HTT: variants seen among roughly 807,000 people sequenced by gnomAD.
HTT encodes huntingtin.
A neutral mutation model predicts 362.3 loss-of-function variants in HTT; 104 were observed. That is an observed-to-expected ratio of 0.29 (90% CI 0.24 to 0.34). HTT has a LOEUF of 0.34. Among genes scored for constraint, HTT ranks in the 10% least tolerant of loss-of-function variants. The pLI is 1.00. For missense variants in HTT, 3,301 were observed against 3,928.6 expected (o/e 0.84, Z 4.27); for synonymous variants, 1,577 against 1,548.7 (o/e 1.02, Z -0.43).
intron 27 of HTT, among the ~76,000 whole-genome samples, chr4:3,156,506 A>C (rs568027424): frequency 6.6e-6 from 1 of 152,238 alleles, no homozygotes. Flanking sequence ...AGCCTTTACA[A>C]GTGTAAAATT....
intron 2 of HTT, among the ~76,000 whole-genome samples, chr4:3,095,282 C>T (rs574270285): frequency 3.3e-5 from 5 of 152,232 alleles, no homozygotes; most frequent in African/African-American, 7.2e-5. Flanking sequence ...CCCGGCACCT[C>T]GGGAGGCCGA....
At position 3,145,217 on chromosome 4, in the gene HTT, T is replaced by G. The variant is rs1471081282; in HGVS notation, c.3132T>G (p.Gly1044=). The change falls in exon 24 of 67, where the codon GGT becomes GGG. Residue 1044 remains glycine (G), a synonymous_variant. Transcript: ENST00000355072. ...TAFPVCIWSL[G]WHCGVPPLSA... ...TCCCAGTTTGCATTTGGAGTTTAGG[T>G]TGGCACTGTGGGTATGTATTTTCCT... The G allele has an allele frequency of 5.6e-6, 9 of 1,610,542 alleles. No homozygotes were observed. Among genetic ancestry groups the G allele is most frequent in the Non-Finnish European group, 7.6e-6 (9 of 1,176,682 alleles).
chr4:3,199,955 C>G lies in HTT; in HGVS notation c.5576+16C>G, dbSNP rs758853621. The G allele has an allele frequency of 1.9e-6, 3 of 1,602,696 alleles. No homozygotes were observed. Among genetic ancestry groups the G allele is most frequent in the Non-Finnish European group, 2.6e-6 (3 of 1,173,838 alleles). On this transcript the variant is annotated intron_variant, in intron 41 of 66. Transcript: ENST00000355072. ...AGACCCCGAAGTAGGTTCATAATGC[C>G]CCACAGCCCAGGGCGCCAGCCCAGC...
intron 57 of HTT, among the ~76,000 whole-genome samples, chr4:3,226,229 G>A (rs547346556): frequency 6.6e-6 from 1 of 152,158 alleles, no homozygotes; most frequent in African/African-American, 2.4e-5. Flanking sequence ...CTGGGTGGGA[G>A]CCCCGTGTGC....
At chr4:3,129,622 G>T (rs560940740) in intron 12 of HTT, 54 of 251,168 alleles carry the variant, frequency 2.1e-4, no homozygotes, top group Non-Finnish European at 3.7e-4. Flanking sequence ...AAATTTGTTT[G>T]TGAAGACAAA....
chr4:3,225,541 C>T (rs532127156), intron 56 of HTT, 120 bp from the exon 57 acceptor site: 15 of 751,228 alleles, frequency 2.0e-5, no homozygotes, highest in South Asian at 9.0e-5. Flanking sequence ...CTGCCAGTGG[C>T]GGCGAGGGCA....
At chr4:3,224,787 G>A (rs1720832825) in intron 56 of HTT, among the ~76,000 whole-genome samples, 1 of 152,378 alleles carries the variant, frequency 6.6e-6, no homozygotes, top group African/African-American at 2.4e-5. Flanking sequence ...ATGTGGACGT[G>A]CAATGTGTTA....
intron 27 of HTT, among the ~76,000 whole-genome samples, chr4:3,155,980 G>T (rs1028302522): frequency 1.3e-5 from 2 of 151,114 alleles, no homozygotes; most frequent in African/African-American, 4.9e-5. Context: ...TCATTGTTTT[G>T]TGGTGAGAAC....
Position 3,215,095 on chromosome 4 carries a change from C to T in HTT, c.6953-15C>T. The T allele has an allele frequency of 2.5e-6, 4 of 1,588,990 alleles. No individual in the cohort carries two copies. The highest frequency in any genetic ancestry group is 3.5e-6 in the Non-Finnish European group (4 of 1,157,968). ...GTGTGTAGAAATTCTTCTCTTTGTT[C>T]TGTTGTAATTTTAGTTGCAGTGCAG... On this transcript the variant is annotated splice_polypyrimidine_tract_variant and intron_variant, in intron 50 of 66. Transcript: ENST00000355072.
In HTT at chr4:3,177,332, G is replaced by T; in HGVS notation, c.4408G>T (p.Val1470Leu). 1 of 1,595,102 alleles carries T rather than the reference G, an allele frequency of 6.3e-7. No individual in the cohort carries two copies. Among genetic ancestry groups the T allele is most frequent in the Non-Finnish European group, 8.6e-7 (1 of 1,168,540 alleles). The change falls in exon 34 of 67, where the codon GTG (valine) becomes TTG (leucine). Residue 1470 changes from valine to leucine, a missense_variant and splice_region_variant. Transcript: ENST00000355072. Reference protein sequence around the residue: ...VNYCLLDSDQVFIGFVLKQFE... With the variant: ...VNYCLLDSDQLFIGFVLKQFE... ...TGAAATTTTATTTTCCTTCCTGTAG[G>T]TGTTTATTGGCTTTGTATTGAAACA...
chr4:3,227,057 T>C (rs1233528493), intron 57 of HTT, among the ~76,000 whole-genome samples: 2 of 152,354 alleles, frequency 1.3e-5, no homozygotes, highest in East Asian at 3.9e-4. Context: ...TGGGTGCCTC[T>C]GGCCTTGTCC....
In HTT at chr4:3,214,039, C is replaced by G. The variant is rs759260622; in HGVS notation, c.6856C>G (p.Leu2286Val). 2 of 1,609,664 alleles carry G rather than the reference C, an allele frequency of 1.2e-6. No homozygotes were observed. Among genetic ancestry groups the G allele is most frequent in the African/African-American group, 1.3e-5 (1 of 74,764 alleles). ...QAGLDCCCLA[L>V]QLPGLWSVVS... ...AGGGCTGGACTGCTGCTGCCTGGCC[C>G]TGCAGCTGCCTGGCCTCTGGAGCGT... The change falls in exon 50 of 67, where the codon CTG (leucine) becomes GTG (valine). Residue 2286 changes from leucine (L) to valine (V), a missense_variant. Physicochemically the swap from Leu to Val is conservative, Grantham distance 32 (BLOSUM62 1). Coordinates refer to ENST00000355072, the MANE Select transcript of HTT (RefSeq NM_001388492.1).
At position 3,131,297 on chromosome 4, in the gene HTT, C is replaced by T. The variant is rs1341743961; in HGVS notation, c.1998C>T (p.Ile666=). The part of the protein sequence containing the change: ...PGDQENKPCR[I]KGDIGQSTDD... ...TGTCTCCTTTCTAGCCTTGCCGCAT[C>T]AAAGGTGACATTGGACAGTCCACTG... The change falls in exon 15 of 67, where the codon ATC becomes ATT. Residue 666 remains isoleucine, a synonymous_variant. Transcript: ENST00000355072. 2 of 1,612,614 alleles carry T rather than the reference C, an allele frequency of 1.2e-6. No homozygotes were observed. The highest frequency in any genetic ancestry group is 1.7e-5 in the Admixed American group (1 of 60,006).
intron 37 of HTT, among the ~76,000 whole-genome samples, chr4:3,186,221 A>G (rs1410067732): frequency 6.6e-6 from 1 of 152,202 alleles, no homozygotes; most frequent in Non-Finnish European, 1.5e-5. Context: ...AGTGCACACC[A>G]TCCCATGTAT....
intron 18 of HTT, among the ~76,000 whole-genome samples, chr4:3,133,324 TAAA>T (rs61554059): frequency 2.5e-5 from 3 of 118,738 alleles, no homozygotes; most frequent in African/African-American, 3.1e-5. Flanking sequence ...TACAGAAAAT[TAAA>T]AAAAAAAAAA....
At chr4:3,077,688 G>T (rs1171584973) in intron 1 of HTT, among the ~76,000 whole-genome samples, 1 of 152,166 alleles carries the variant, frequency 6.6e-6, no homozygotes, top group African/African-American at 2.4e-5. Context: ...AAAGTGCTGG[G>T]ATTACAGGTG....
intron 14 of HTT, 111 bp downstream of exon 14, chr4:3,130,534 T>G (rs772753596): frequency 2.3e-5 from 14 of 617,272 alleles, no homozygotes; most frequent in Non-Finnish European, 3.5e-5. Context: ...GCCTTTAAAT[T>G]TCCCCTTTAA....
chr4:3,236,188 A>T lies in HTT; in HGVS notation c.8825A>T (p.Asn2942Ile). ...AGTCCGGGTAGAACTTCAGACCCTA[A>T]TCCTGCAGCCCCCGACAGCGAGTCA... ...KVSPGRTSDP[N>I]PAAPDSESVI... The change falls in exon 64 of 67, where the codon AAT (asparagine) becomes ATT (isoleucine). Residue 2942 changes from asparagine to isoleucine, a missense_variant. Asn to Ile is a moderately radical substitution (Grantham distance 149). Around this residue, in one of 4 missense-constraint regions of HTT, gnomAD observed 753 missense variants for 1,021.3 expected, o/e 0.74. Coordinates refer to ENST00000355072, the MANE Select transcript of HTT (RefSeq NM_001388492.1). The T allele has an allele frequency of 6.2e-7, 1 of 1,614,168 alleles. No individual in the cohort carries two copies. The highest frequency in any genetic ancestry group is 1.1e-5 in the South Asian group (1 of 91,080).
chr4:3,159,107 G>A (rs1166795952), intron 28 of HTT, among the ~76,000 whole-genome samples: 1 of 152,114 alleles, frequency 6.6e-6, no homozygotes, highest in East Asian at 1.9e-4. Context: ...GGTTTCCTTG[G>A]TTCCTTCTGC....
Sources: gnomAD v4.1 joint callset for allele counts (sites outside exome capture counted in the v4.1 genomes callset) on GRCh38, gnomAD v4.1.1 for gene constraint, gnomAD v4.1.1 regional missense constraint, MANE v1.5 for transcripts, NCBI Gene and HGNC (gene_info 2026-07-23, HGNC 2026-07-21) for gene names.